DSCAML1: variants seen among roughly 807,000 people sequenced by gnomAD.
The protein encoded by DSCAML1 is DS cell adhesion molecule like 1, also known as cell adhesion molecule DSCAML1.
In DSCAML1, 38 loss-of-function variants were observed where a neutral mutation model predicts 200.5. The observed-to-expected ratio is 0.19, with a 90% CI of 0.15 to 0.25. The LOEUF (loss-of-function observed/expected upper bound fraction) is 0.25. Among genes scored for constraint, DSCAML1 ranks in the 10% least tolerant of loss-of-function variants. The pLI, the probability that DSCAML1 is intolerant of heterozygous loss-of-function variation, is 1.00. For missense variants in DSCAML1, 2,223 were observed against 2,858.8 expected, an observed-to-expected ratio of 0.78 and a Z score of 5.07; for synonymous variants, 1,215 against 1,165.0, an observed-to-expected ratio of 1.04 and a Z score of -0.87.
chr11:117,795,340 A>C (rs1158196413), intron 1 of DSCAML1, among the ~76,000 whole-genome samples: 1 of 152,050 alleles, frequency 6.6e-6, no homozygotes, highest in East Asian at 1.9e-4. Flanking sequence ...TCGAGAGAGA[A>C]AGCCGCTCCT....
intron 3 of DSCAML1, among the ~76,000 whole-genome samples, chr11:117,766,291 G>T (rs1308469040): frequency 6.6e-6 from 1 of 152,166 alleles, no homozygotes; most frequent in Admixed American, 6.5e-5. Flanking sequence ...AGCACCGTTG[G>T]CTTCTTCTGA....
chr11:117,547,286 C>T (rs964107203), intron 3 of DSCAML1, among the ~76,000 whole-genome samples: 4 of 152,158 alleles, frequency 2.6e-5, no homozygotes, highest in Non-Finnish European at 5.9e-5. Context: ...CAGATGCTCA[C>T]GGTATAATAG....
intron 3 of DSCAML1, among the ~76,000 whole-genome samples, chr11:117,772,983 A>T (rs2055067050): frequency 6.6e-6 from 1 of 152,210 alleles, no homozygotes; most frequent in South Asian, 2.1e-4. Context: ...GCTAAAGGGT[A>T]GCACTTTGGG....
At chr11:117,753,511 A>G (rs1019147598) in intron 3 of DSCAML1, among the ~76,000 whole-genome samples, 2 of 152,230 alleles carry the variant, frequency 1.3e-5, no homozygotes, top group Non-Finnish European at 2.9e-5. Context: ...TAAGCACCCA[A>G]AGTTTCACAA....
intron 3 of DSCAML1, among the ~76,000 whole-genome samples, chr11:117,757,599 C>G (rs1385659438): frequency 7.0e-6 from 1 of 142,820 alleles, no homozygotes; most frequent in East Asian, 1.9e-4. Context: ...CACACACACA[C>G]ACACACACAC....
chr11:117,649,146 G>A (rs1481906836), intron 3 of DSCAML1, among the ~76,000 whole-genome samples: 4 of 149,356 alleles, frequency 2.7e-5, no homozygotes, highest in Non-Finnish European at 4.4e-5. Flanking sequence ...GCATGATCTC[G>A]GCTCACTGCA....
chr11:117,726,398 A>G (rs2054132160), intron 3 of DSCAML1, among the ~76,000 whole-genome samples: 1 of 152,020 alleles, frequency 6.6e-6, no homozygotes, highest in Non-Finnish European at 1.5e-5. Flanking sequence ...TGTTGTTGTT[A>G]GTATAGGAAA....
At chr11:117,446,976 T>C (rs981694153) in intron 20 of DSCAML1, among the ~76,000 whole-genome samples, 1 of 152,218 alleles carries the variant, frequency 6.6e-6, no homozygotes, top group African/African-American at 2.4e-5. Context: ...GTAGATTCTG[T>C]ATAAACAGCC....
chr11:117,622,964 G>C (rs1217776044), intron 3 of DSCAML1, among the ~76,000 whole-genome samples: 1 of 152,144 alleles, frequency 6.6e-6, no homozygotes, highest in Admixed American at 6.5e-5. Flanking sequence ...GGGCAGGCTA[G>C]GGTAGCCATT....
intron 3 of DSCAML1, among the ~76,000 whole-genome samples, chr11:117,753,983 C>T (rs533346078): frequency 1.3e-5 from 2 of 152,142 alleles, no homozygotes; most frequent in Non-Finnish European, 2.9e-5. Context: ...TTGGGCCTTA[C>T]CTGAGGACAA....
intron 3 of DSCAML1, among the ~76,000 whole-genome samples, chr11:117,742,373 AGGT>A (rs1281716379): frequency 1.3e-5 from 2 of 152,180 alleles, no homozygotes; most frequent in East Asian, 3.9e-4. Context: ...CTAAATCCCT[AGGT>A]TGAGCCAGAG....
intron 3 of DSCAML1, among the ~76,000 whole-genome samples, chr11:117,592,941 T>C (rs1000606858): frequency 3.3e-5 from 5 of 152,228 alleles, no homozygotes; most frequent in African/African-American, 1.2e-4. Context: ...ACCACTGCCA[T>C]GTGTAAGTCA....
intron 3 of DSCAML1, among the ~76,000 whole-genome samples, chr11:117,538,439 G>A (rs566797316): frequency 2.8e-4 from 42 of 152,172 alleles, no homozygotes; most frequent in Non-Finnish European, 5.1e-4. Flanking sequence ...TGGGGCTGCC[G>A]GGCCCCCAGC....
intron 16 of DSCAML1, among the ~76,000 whole-genome samples, chr11:117,467,891 C>T (rs983895805): frequency 2.6e-5 from 4 of 152,152 alleles, no homozygotes; most frequent in African/African-American, 9.7e-5. Context: ...ACACATTGAA[C>T]ATCATTATAC....
intron 11 of DSCAML1, among the ~76,000 whole-genome samples, chr11:117,502,923 A>C (rs1337688814): frequency 1.3e-5 from 2 of 152,166 alleles, no homozygotes; most frequent in Non-Finnish European, 2.9e-5. Context: ...CACGACAGTA[A>C]GTCCTGGCTC....
intron 3 of DSCAML1, among the ~76,000 whole-genome samples, chr11:117,640,353 C>T (rs1346025538): frequency 6.6e-6 from 1 of 152,184 alleles, no homozygotes; most frequent in South Asian, 2.1e-4. Flanking sequence ...ACCTATGTGA[C>T]CTGCTTTCAT....
intron 3 of DSCAML1, among the ~76,000 whole-genome samples, chr11:117,704,155 G>C (rs540402784): frequency 1.3e-5 from 2 of 151,026 alleles, no homozygotes; most frequent in Admixed American, 1.3e-4. Flanking sequence ...GAAGGAGGAA[G>C]GGCGGGAAGG....
intron 1 of DSCAML1, among the ~76,000 whole-genome samples, chr11:117,805,239 C>CAA (rs1389145849): frequency 6.6e-6 from 1 of 152,194 alleles, no homozygotes; most frequent in Non-Finnish European, 1.5e-5. Flanking sequence ...CTTACTTACA[C>CAA]AATGGGTGAC....
intron 32 of DSCAML1, among the ~76,000 whole-genome samples, chr11:117,430,418 T>A (rs1383623096): frequency 6.6e-6 from 1 of 152,216 alleles, no homozygotes; most frequent in Non-Finnish European, 1.5e-5. Flanking sequence ...TGTATATCAT[T>A]TCTAATGCCC....
Sources: allele counts gnomAD v4.1 joint callset (sites outside exome capture counted in the v4.1 genomes callset), GRCh38; gene constraint gnomAD v4.1.1; transcripts MANE v1.5; gene names NCBI Gene and HGNC (gene_info 2026-07-23, HGNC 2026-07-21).